Variants in CACYBP observed in about 807,000 individuals in gnomAD.
CACYBP encodes the protein calcyclin binding protein.
CACYBP carries 11 observed loss-of-function variants against 29.6 expected under a neutral mutation model. That is an observed-to-expected ratio of 0.37 (90% CI 0.23 to 0.61). CACYBP has a LOEUF of 0.61. Ranked by LOEUF, CACYBP falls within the 20% of genes least tolerant of loss-of-function variation. The pLI is 0.65. For missense variants in CACYBP, 163 were observed against 260.7 expected, an observed-to-expected ratio of 0.63 and a Z score of 2.58; for synonymous variants, 73 against 88.3, an observed-to-expected ratio of 0.83 and a Z score of 0.97.
At chr1:175,001,316 TTTTG>T (rs1672483489) in intron 1 of CACYBP, among the ~76,000 whole-genome samples, 1 of 152,240 alleles carries the variant, frequency 6.6e-6, no homozygotes, top group African/African-American at 2.4e-5. Context: ...TTGATTTTTG[TTTTG>T]TTTGAGATAA....
Position 175,000,037 on chromosome 1 carries a change from T to G in CACYBP, c.-144T>G. 1.7e-6 allele frequency: 2 copies of G among 1,208,666 alleles called. No individual in the cohort carries two copies. The highest frequency in any genetic ancestry group is 2.4e-6 in the Non-Finnish European group (2 of 844,878). 74.9% of individuals were successfully genotyped at this position (1,208,666 alleles called of 1,614,324 possible). ...GCGTGCGGGAGGCGGGCCGCGATCT[T>G]GCGCAGGGTCGGTGTGGGCGCAGGC... On this transcript the variant is annotated 5_prime_UTR_variant, in exon 1 of 6. Coordinates refer to ENST00000367679, the MANE Select transcript of CACYBP (RefSeq NM_014412.3).
rs192043599 is a variant in CACYBP, at chr1:175,005,328, T to C, written c.235+495T>C. On this transcript the variant is annotated intron_variant, in intron 2 of 5. Transcript: ENST00000367679. ...TGACGTATAACTCGTAGTATAACAA[T>C]GTAGTAATACTGTTTTCCTTCAATG... 7.8e-3 allele frequency among the ~76,000 whole-genome samples: 1,043 copies of C among 134,240 alleles called. 10 individuals are homozygous for C. The highest frequency in any genetic ancestry group is 0.015 in the Middle Eastern group (4 of 270). 88.1% of individuals were successfully genotyped at this position (134,240 alleles called of 152,430 possible).
chr1:175,000,296 C>A (rs1672437796), intron 1 of CACYBP, 101 bp downstream of exon 1: 12 of 1,519,014 alleles, frequency 7.9e-6, no homozygotes, highest in Non-Finnish European at 1.1e-5. Flanking sequence ...GCCCTGCGGC[C>A]ACCCGGTCCC....
upstream of CACYBP, chr1:174,999,829 C>A (rs1016027683): frequency 2.2e-6 from 1 of 445,570 alleles, no homozygotes; most frequent in African/African-American, 2.1e-5. Flanking sequence ...TGCCGGTTCG[C>A]TCGCGAGACT....
intron 4 of CACYBP, 32 bp from the exon 5 acceptor site, chr1:175,008,577 A>G (rs756179966): frequency 2.1e-6 from 2 of 941,808 alleles, no homozygotes; most frequent in South Asian, 2.7e-5. Context: ...CATGTCTTCT[A>G]AGCTGTATTT....
upstream of CACYBP, chr1:174,999,809 C>T (rs146318167): frequency 4.9e-6 from 2 of 406,052 alleles, no homozygotes; most frequent in East Asian, 5.9e-5. Context: ...AGACATTACT[C>T]TTCTCGGATT....
rs1465038031 is a variant in CACYBP, at chr1:175,011,818, AT to A, written c.*1742del. 1 of 152,242 alleles carries A rather than the reference AT, an allele frequency of 6.6e-6. No individual in the cohort carries two copies. The highest frequency in any genetic ancestry group is 1.5e-5 in the Non-Finnish European group (1 of 68,080). 9.4% of individuals were successfully genotyped at this position (152,242 alleles called of 1,614,324 possible). A position where few individuals can be genotyped will look rare whatever the true frequency, so the allele number is the denominator to read the frequency against. On this transcript the variant is annotated 3_prime_UTR_variant, in exon 6 of 6. Transcript: ENST00000367679. Reference sequence around the variant, plus strand: ...AAGTTAAACTTTGGTTAACAAGAATATTTGGGCAGGTGCAGTGGCTCACACC... The same window carrying A: ...AAGTTAAACTTTGGTTAACAAGAATATTGGGCAGGTGCAGTGGCTCACACC...
chr1:175,005,406 GCT>G (rs771119071), intron 2 of CACYBP, among the ~76,000 whole-genome samples: 1 of 152,134 alleles, frequency 6.6e-6, no homozygotes, highest in Non-Finnish European at 1.5e-5. Context: ...TGAATGATGA[GCT>G]CTCATTGGAG....
rs1404254756 is a variant in CACYBP, at chr1:175,000,047, C to T, written c.-134C>T. The T allele has an allele frequency of 1.6e-6, 2 of 1,266,352 alleles. No individual in the cohort carries two copies. Among genetic ancestry groups the T allele is most frequent in the Non-Finnish European group, 2.2e-6 (2 of 893,554 alleles). 78.4% of individuals were successfully genotyped at this position (1,266,352 alleles called of 1,614,324 possible). A position where few individuals can be genotyped will look rare whatever the true frequency, so the allele number is the denominator to read the frequency against. On this transcript the variant is annotated 5_prime_UTR_variant, in exon 1 of 6. Transcript: ENST00000367679. ...GGCGGGCCGCGATCTTGCGCAGGGTCGGTGTGGGCGCAGGCTGCAGCGCCG... is the reference window on the plus strand; with the variant it reads ...GGCGGGCCGCGATCTTGCGCAGGGTTGGTGTGGGCGCAGGCTGCAGCGCCG...
chr1:175,004,897 C>G, intron 2 of CACYBP, 64 bp downstream of exon 2: 2 of 1,011,296 alleles, frequency 2.0e-6, no homozygotes. Flanking sequence ...AGTGGTCTAA[C>G]AAATTCATCC....
chr1:175,011,167 A>C lies in CACYBP; in HGVS notation c.*1088A>C, dbSNP rs1672744397. ...AGGAAAAATCCAGAAGGGTAAACTA[A>C]ACTAAAGCTACAATTAATATGGGAA... On this transcript the variant is annotated 3_prime_UTR_variant, in exon 6 of 6. Coordinates refer to ENST00000367679, the MANE Select transcript of CACYBP (RefSeq NM_014412.3). 6.6e-6 allele frequency: 1 copy of C among 151,904 alleles called. No homozygotes were observed. Among genetic ancestry groups the C allele is most frequent in the Non-Finnish European group, 1.5e-5 (1 of 67,964 alleles). The allele number at this position is 151,904 out of a possible 1,614,324, so 9.4% of individuals were successfully genotyped here.
At position 175,000,151 on chromosome 1, in the gene CACYBP, A is replaced by G. The variant is rs1187629011; in HGVS notation, c.-30A>G. 1.2e-6 allele frequency: 2 copies of G among 1,600,910 alleles called. No homozygotes were observed. The highest frequency in any genetic ancestry group is 1.7e-5 in the Admixed American group (1 of 58,494). On this transcript the variant is annotated 5_prime_UTR_variant, in exon 1 of 6. Coordinates refer to ENST00000367679, the MANE Select transcript of CACYBP (RefSeq NM_014412.3). ...CCTGTTCCTCCTTCTGCGCGGCTGC[A>G]GCTCGGGACTTCGGCCTGACCCAGC... is the stretch of plus-strand genomic sequence containing the variant.
chr1:174,999,948 G>C lies in CACYBP; in HGVS notation c.-233G>C. 1 of 589,944 alleles carries C rather than the reference G, an allele frequency of 1.7e-6. No homozygotes were observed. Among genetic ancestry groups the C allele is most frequent in the South Asian group, 2.0e-5 (1 of 49,088 alleles). 36.5% of individuals were successfully genotyped at this position (589,944 alleles called of 1,614,324 possible). On this transcript the variant is annotated 5_prime_UTR_variant, in exon 1 of 6. Coordinates refer to ENST00000367679, the MANE Select transcript of CACYBP (RefSeq NM_014412.3). ...GGAAGGGTGGGTGGAGCCAGGCTTG[G>C]CGGGCTGTGCGTGCTCGCGGTGGGC...
Position 175,009,929 on chromosome 1 carries a change from C to G in CACYBP, c.537C>G (p.Pro179=). ...ATATGTTTTCTTTTTAAAGGAAGCCCTCCTATGACACTGAAACAGATCCTA... is the reference window on the plus strand; with the variant it reads ...ATATGTTTTCTTTTTAAAGGAAGCCGTCCTATGACACTGAAACAGATCCTA... The part of the protein sequence containing the change: ...VEKECKEKEK[P]SYDTETDPSE... Residue 179 remains proline, a synonymous_variant, in exon 6 of 6, where the codon CCC becomes CCG. Transcript: ENST00000367679. 1 of 1,608,226 alleles carries G rather than the reference C, an allele frequency of 6.2e-7. No homozygotes were observed. The highest frequency in any genetic ancestry group is 8.5e-7 in the Non-Finnish European group (1 of 1,177,670).
chr1:174,999,604 C>T, upstream of CACYBP: 1 of 183,404 alleles, frequency 5.5e-6, no homozygotes, highest in Non-Finnish European at 1.1e-5. Context: ...CCTTACACAA[C>T]ATGGCGGCCT....
chr1:175,002,205 T>G (rs576091531), intron 1 of CACYBP, among the ~76,000 whole-genome samples: 6 of 152,298 alleles, frequency 3.9e-5, no homozygotes, highest in African/African-American at 1.4e-4. Context: ...GTTTCCAGAG[T>G]GGTTGCATCA....
Position 175,007,163 on chromosome 1 carries a change from T to C in CACYBP, c.398T>C (p.Leu133Ser), listed in dbSNP as rs1403566656. The change falls in exon 4 of 6, where the codon TTG (leucine) becomes TCG (serine). Residue 133 changes from leucine to serine, a missense_variant. Coordinates refer to ENST00000367679, the MANE Select transcript of CACYBP (RefSeq NM_014412.3). ...KSYSMIVNNLLKPISVEGSSK... is the reference protein window; with the variant it reads ...KSYSMIVNNLSKPISVEGSSK... ...TACTCCATGATTGTGAACAATCTCT[T>C]GAAACCCATCTCTGTGGAAGGCAGT... is the stretch of plus-strand genomic sequence containing the variant. The C allele has an allele frequency of 6.2e-7, 1 of 1,612,006 alleles. No homozygotes were observed.
Position 175,007,927 on chromosome 1 carries a change from GA to G in CACYBP, c.433-681del, listed in dbSNP as rs980622871. On this transcript the variant is annotated intron_variant, in intron 4 of 5. Transcript: ENST00000367679. The stretch of plus-strand genomic sequence containing the variant: ...TTTAATGCGTTAGGTATATAGACAT[GA>G]CATTCTGCCATCTGTTTTTATAATA... Among the ~76,000 whole-genome samples the G allele has an allele frequency of 3.3e-5, 5 of 152,242 alleles. No homozygotes were observed. In the East Asian group the frequency reaches 9.6e-4, roughly 29 times the overall value.
chr1:175,006,571 G>C, intron 2 of CACYBP, 174 bp from the exon 3 acceptor site: 1 of 516,814 alleles, frequency 1.9e-6, no homozygotes, highest in African/African-American at 2.0e-5. Flanking sequence ...GTACTTAACT[G>C]CTTTGAGGCT....
Sources: gnomAD v4.1 joint callset for allele counts (sites outside exome capture counted in the v4.1 genomes callset) on GRCh38, gnomAD v4.1.1 for gene constraint, MANE v1.5 for transcripts, NCBI Gene and HGNC (gene_info 2026-07-23, HGNC 2026-07-21) for gene names.